The following MECOM variants were observed in gnomAD, a reference collection of about 807,000 sequenced individuals.
MECOM encodes MDS1 and EVI1 complex locus, also known as histone-lysine N-methyltransferase MECOM.
MECOM carries 13 observed loss-of-function variants against 116.3 expected under a neutral mutation model. The ratio of observed to expected loss-of-function variants is 0.11; its 90% CI spans 0.07 to 0.18. The LOEUF (loss-of-function observed/expected upper bound fraction) is 0.18, where lower values mean the gene tolerates loss of function less well. Among genes scored for constraint, MECOM ranks in the 10% least tolerant of loss-of-function variants. The pLI is 1.00. For missense variants in MECOM, 1,299 were observed against 1,509.0 expected, an observed-to-expected ratio of 0.86 and a Z score of 2.31; for synonymous variants, 528 against 535.2, an observed-to-expected ratio of 0.99 and a Z score of 0.19.
rs956610955 is a variant in MECOM at position 169,454,144 on chromosome 3, G to A, written c.38-72620C>T. ...AATGTTAGAAGGTCTTAAAGATATC[G>A]AGTGCTATATTCTAATTAAAGGGCT... On this transcript the variant is annotated intron_variant, in intron 1 of 16. Coordinates refer to ENST00000651503, the MANE Select transcript of MECOM (RefSeq NM_004991.4). Among the ~76,000 whole-genome samples the A allele has an allele frequency of 3.3e-5, 5 of 152,210 alleles. No homozygotes were observed. The East Asian group carries it at 5.8e-4, about 18-fold the overall frequency.
chr3:169,470,604 A>T (rs185052220), intron 1 of MECOM, among the ~76,000 whole-genome samples: 2 of 152,148 alleles, frequency 1.3e-5, no homozygotes, highest in African/African-American at 4.8e-5. Flanking sequence ...GAAGAAAGTG[A>T]TATGTATTAG....
chr3:169,164,565 A>T (rs1743286292), intron 2 of MECOM, among the ~76,000 whole-genome samples: 1 of 152,168 alleles, frequency 6.6e-6, no homozygotes, highest in Non-Finnish European at 1.5e-5. Flanking sequence ...TAAGGTTCTC[A>T]AAAGTGACCC....
intron 9 of MECOM, among the ~76,000 whole-genome samples, chr3:169,109,417 C>CT (rs3980922): frequency 0.22 from 31,052 of 141,540 alleles, 3,407 homozygotes; most frequent in Non-Finnish European, 0.25. Context: ...ATTCATGTAT[C>CT]TTTTTTTTTT....
chr3:169,350,597 A>G (rs1279943675), intron 2 of MECOM, among the ~76,000 whole-genome samples: 1 of 152,004 alleles, frequency 6.6e-6, no homozygotes, highest in East Asian at 1.9e-4. Context: ...TTAGTACAAA[A>G]TAGGTACAGT....
At chr3:169,636,331 G>T (rs1372163006) in intron 1 of MECOM, among the ~76,000 whole-genome samples, 1 of 152,114 alleles carries the variant, frequency 6.6e-6, no homozygotes, top group Non-Finnish European at 1.5e-5. Context: ...TCTTTTTTAA[G>T]ACTAAGGGGT....
At chr3:169,185,343 A>G (rs1746567007) in intron 2 of MECOM, among the ~76,000 whole-genome samples, 1 of 152,168 alleles carries the variant, frequency 6.6e-6, no homozygotes, top group South Asian at 2.1e-4. Context: ...CGTGGTCTAG[A>G]AGCCAGAGAG....
chr3:169,305,840 G>GTT (rs796996071), intron 2 of MECOM, among the ~76,000 whole-genome samples: 1 of 146,832 alleles, frequency 6.8e-6, no homozygotes, highest in African/African-American at 2.5e-5. Context: ...TTGTGTAAAG[G>GTT]TTTTTTTTTT....
chr3:169,304,459 TA>T (rs1020513310), intron 2 of MECOM, among the ~76,000 whole-genome samples: 5 of 152,170 alleles, frequency 3.3e-5, no homozygotes, highest in African/African-American at 9.6e-5. Flanking sequence ...AATATAAATT[TA>T]ATTTAAAGGA....
chr3:169,562,638 C>A (rs1192284946), intron 1 of MECOM, among the ~76,000 whole-genome samples: 2 of 152,142 alleles, frequency 1.3e-5, no homozygotes, highest in Non-Finnish European at 2.9e-5. Context: ...ACCCACAAAA[C>A]CCTGGAGACT....
chr3:169,207,331 A>G (rs901168812), intron 2 of MECOM, among the ~76,000 whole-genome samples: 6 of 152,328 alleles, frequency 3.9e-5, no homozygotes, highest in African/African-American at 1.4e-4. Context: ...AGAATATCCC[A>G]TCTGGATACA....
intron 1 of MECOM, among the ~76,000 whole-genome samples, chr3:169,643,239 T>G (rs1773727829): frequency 6.6e-6 from 1 of 152,218 alleles, no homozygotes; most frequent in Non-Finnish European, 1.5e-5. Flanking sequence ...CATTGCATAT[T>G]TATGAGGCTG....
intron 1 of MECOM, among the ~76,000 whole-genome samples, chr3:169,524,314 G>A (rs1162206056): frequency 2.6e-5 from 4 of 151,504 alleles, no homozygotes; most frequent in African/African-American, 4.9e-5. Flanking sequence ...AAAGAGTTGC[G>A]AAATAAAAGA....
chr3:169,614,379 A>G (rs1299155199), intron 1 of MECOM, among the ~76,000 whole-genome samples: 2 of 152,100 alleles, frequency 1.3e-5, no homozygotes, highest in East Asian at 3.8e-4. Flanking sequence ...CCTCATGCAT[A>G]TACACCACTG....
chr3:169,202,858 C>T (rs1244454908), intron 2 of MECOM, among the ~76,000 whole-genome samples: 1 of 148,906 alleles, frequency 6.7e-6, no homozygotes, highest in African/African-American at 2.5e-5. Context: ...ACAATTAAGT[C>T]CAACTTTCTG....
rs3832188 is a variant in MECOM at position 169,663,613 on chromosome 3, CCT to C, written c.-243_-242del. The C allele has an allele frequency of 1.6e-4, 94 of 573,792 alleles. No homozygotes were observed. In the East Asian group the frequency reaches 2.7e-3, roughly 17 times the overall value. The allele number at this position is 573,792 out of a possible 1,614,324, so 35.5% of individuals were successfully genotyped here. On this transcript the variant is annotated 5_prime_UTR_variant, in exon 1 of 17. Coordinates refer to ENST00000651503, the MANE Select transcript of MECOM (RefSeq NM_004991.4). ...TTTCTTCTTTCACTCTCTCTCCCTC[CCT>C]CTCTCCCTTTCTCTCAATCCACACT...
chr3:169,574,296 G>A (rs574609285), intron 1 of MECOM, among the ~76,000 whole-genome samples: 8 of 152,174 alleles, frequency 5.3e-5, no homozygotes, highest in Non-Finnish European at 7.4e-5. Context: ...TGATTTCACC[G>A]AGAGATTTAT....
At chr3:169,409,354 T>C (rs1250649727) in intron 1 of MECOM, among the ~76,000 whole-genome samples, 2 of 152,206 alleles carry the variant, frequency 1.3e-5, no homozygotes, top group Admixed American at 1.3e-4. Flanking sequence ...CTTTGTCTTA[T>C]TTTGCTTGTG....
chr3:169,122,538 G>A, intron 6 of MECOM, 42 bp downstream of exon 6: 1 of 1,610,490 alleles, frequency 6.2e-7, no homozygotes, highest in East Asian at 2.2e-5. Context: ...AGAGAGAGCA[G>A]GATGACATAG....
At chr3:169,147,457 C>T in intron 2 of MECOM, 1 of 985,422 alleles carries the variant, frequency 1.0e-6, no homozygotes, top group East Asian at 1.1e-4. Context: ...TATCTCCCGC[C>T]GCCCAGAGTG....
Sources: allele counts gnomAD v4.1 joint callset (sites outside exome capture counted in the v4.1 genomes callset), GRCh38; gene constraint gnomAD v4.1.1; transcripts MANE v1.5; gene names NCBI Gene and HGNC (gene_info 2026-07-23, HGNC 2026-07-21).